The following POLN variants were observed in gnomAD, a reference collection of about 807,000 sequenced individuals.
POLN encodes the protein DNA polymerase nu.
In POLN, 108 loss-of-function variants were observed where a neutral mutation model predicts 113.5. The observed-to-expected ratio is 0.95, with a 90% CI of 0.81 to 1.12. POLN has a LOEUF of 1.12. Among genes scored for constraint, POLN ranks in the 50% most tolerant of loss-of-function variants. The probability of loss-of-function intolerance (pLI) is 0.00; values close to 1 mark genes in which losing one functional copy is unlikely to be tolerated. For missense variants in POLN, 1,097 were observed against 1,077.1 expected, an observed-to-expected ratio of 1.02 and a Z score of -0.26; for synonymous variants, 386 against 391.5, an observed-to-expected ratio of 0.99 and a Z score of 0.17.
intron 19 of POLN, among the ~76,000 whole-genome samples, chr4:2,096,608 C>T (rs1407645647): frequency 6.7e-6 from 1 of 150,184 alleles, no homozygotes; most frequent in African/African-American, 2.5e-5. Context: ...CTCCTGCCTG[C>T]TGCTTTTGTA....
At chr4:2,178,189 T>TCAGTGCC (rs1223247336) in intron 8 of POLN, among the ~76,000 whole-genome samples, 1 of 152,174 alleles carries the variant, frequency 6.6e-6, no homozygotes, top group East Asian at 1.9e-4. Flanking sequence ...TACCCCCAGC[T>TCAGTGCC]CAGTGCCCAG....
intron 3 of POLN, among the ~76,000 whole-genome samples, chr4:2,218,157 C>T (rs569695800): frequency 6.6e-6 from 1 of 151,738 alleles, no homozygotes; most frequent in Admixed American, 6.6e-5. Context: ...GGTGGCCAGG[C>T]GTGGTGGCTC....
chr4:2,072,831 C>T (rs1036750096), intron 25 of POLN, 137 bp downstream of exon 25: 6 of 894,020 alleles, frequency 6.7e-6, no homozygotes, highest in African/African-American at 1.6e-5. Flanking sequence ...GGTCCAGCCT[C>T]CACGGCTGTG....
chr4:2,148,796 T>C (rs1732216937), intron 16 of POLN, among the ~76,000 whole-genome samples: 1 of 152,096 alleles, frequency 6.6e-6, no homozygotes, highest in Non-Finnish European at 1.5e-5. Flanking sequence ...TATATCATAA[T>C]CAAATTTTTC....
chr4:2,166,264 C>T (rs1175207834), intron 13 of POLN, among the ~76,000 whole-genome samples: 1 of 152,196 alleles, frequency 6.6e-6, no homozygotes, highest in African/African-American at 2.4e-5. Flanking sequence ...AGCCTCAGCC[C>T]CTGAGCAGCC....
intron 20 of POLN, among the ~76,000 whole-genome samples, chr4:2,095,001 A>G (rs965252043): frequency 6.6e-6 from 1 of 152,112 alleles, no homozygotes; most frequent in Non-Finnish European, 1.5e-5. Context: ...AGGGAAAAGG[A>G]GGTCTGAACA....
At chr4:2,102,360 C>A (rs1730946972) in intron 19 of POLN, among the ~76,000 whole-genome samples, 1 of 152,174 alleles carries the variant, frequency 6.6e-6, no homozygotes, top group East Asian at 1.9e-4. Flanking sequence ...AAACACCCTA[C>A]CATTACCACC....
At chr4:2,166,411 T>C (rs542031207) in intron 13 of POLN, among the ~76,000 whole-genome samples, 1 of 152,350 alleles carries the variant, frequency 6.6e-6, no homozygotes, top group African/African-American at 2.4e-5. Flanking sequence ...CTCCCTGTTA[T>C]TACCTTAATG....
chr4:2,202,205 T>C (rs957336957), intron 5 of POLN, among the ~76,000 whole-genome samples: 2 of 151,984 alleles, frequency 1.3e-5, no homozygotes, highest in African/African-American at 4.8e-5. Context: ...AATACTAACG[T>C]TGAATGTAAA....
chr4:2,226,640 G>A (rs1372897422), intron 3 of POLN, among the ~76,000 whole-genome samples: 4 of 151,840 alleles, frequency 2.6e-5, no homozygotes, highest in South Asian at 2.1e-4. Context: ...TACTGAATGT[G>A]TATCTTGAGT....
chr4:2,215,726 C>G (rs1341639471), intron 3 of POLN, among the ~76,000 whole-genome samples: 1 of 152,236 alleles, frequency 6.6e-6, no homozygotes, highest in African/African-American at 2.4e-5. Flanking sequence ...CTCATAGCCA[C>G]TTGCTTCAGG....
At chr4:2,112,793 G>A (rs1577699808) in intron 19 of POLN, among the ~76,000 whole-genome samples, 1 of 152,194 alleles carries the variant, frequency 6.6e-6, no homozygotes, top group South Asian at 2.1e-4. Flanking sequence ...TGGTAGGACT[G>A]TAAACTAGTT....
At chr4:2,186,331 A>AGTGT in intron 7 of POLN, among the ~76,000 whole-genome samples, 2 of 152,194 alleles carry the variant, frequency 1.3e-5, no homozygotes, top group Non-Finnish European at 2.9e-5. Flanking sequence ...AGACTAGCAG[A>AGTGT]CACTCGGCTC....
In POLN at chr4:2,072,162, G is replaced by A. The variant is rs1374395331; in HGVS notation, c.2655C>T (p.Ala885=). The A allele has an allele frequency of 6.2e-7, 1 of 1,612,316 alleles. No homozygotes were observed. The highest frequency in any genetic ancestry group is 1.1e-5 in the South Asian group (1 of 91,066). ...AATGCAGGGGTGGGGGCTGGGTGCT[G>A]GCAGGGGACCCAGGGGCAGCCAGGC... is the stretch of plus-strand genomic sequence containing the variant. ...SNSLAAPGSP[A]STQPPPLHFS... Residue 885 remains alanine, a synonymous_variant, in exon 26 of 26, where the codon GCC becomes GCT. Coordinates refer to ENST00000511885, the MANE Select transcript of POLN (RefSeq NM_181808.4).
intron 19 of POLN, among the ~76,000 whole-genome samples, chr4:2,098,602 C>A (rs559625846): frequency 2.0e-5 from 3 of 152,300 alleles, no homozygotes; most frequent in African/African-American, 7.2e-5. Context: ...AGTATGAACT[C>A]ATGATAAGCT....
intron 4 of POLN, 24 bp downstream of exon 4, chr4:2,213,022 AT>A: frequency 6.6e-7 from 1 of 1,525,824 alleles, no homozygotes; most frequent in East Asian, 2.3e-5. Context: ...TCTATTTAAA[AT>A]TACTCATATG....
intron 6 of POLN, among the ~76,000 whole-genome samples, chr4:2,197,827 G>C (rs1218827033): frequency 2.0e-5 from 3 of 152,178 alleles, no homozygotes; most frequent in Non-Finnish European, 4.4e-5. Flanking sequence ...GAGCTGCCTT[G>C]ATTGCCTCTT....
chr4:2,183,890 T>C (rs1421277470), intron 7 of POLN, among the ~76,000 whole-genome samples: 2 of 150,224 alleles, frequency 1.3e-5, no homozygotes, highest in Admixed American at 1.3e-4. Flanking sequence ...CTTTTTTTCT[T>C]TTTTTTTTTG....
At chr4:2,080,115 G>C (rs1039420460) in intron 23 of POLN, 1 of 985,494 alleles carries the variant, frequency 1.0e-6, no homozygotes, top group Non-Finnish European at 1.2e-6. Flanking sequence ...ACTGTGGGGG[G>C]CTGGGGCAGG....
Sources: gnomAD v4.1 joint callset for allele counts (sites outside exome capture counted in the v4.1 genomes callset) on GRCh38, gnomAD v4.1.1 for gene constraint, MANE v1.5 for transcripts, NCBI Gene and HGNC (gene_info 2026-07-23, HGNC 2026-07-21) for gene names.